RANBP2: variants seen among roughly 807,000 people sequenced by gnomAD.
RANBP2 encodes the protein E3 SUMO-protein ligase RanBP2.
Under a neutral mutation model 303.6 loss-of-function variants are expected in RANBP2, and 57 were observed. The observed-to-expected ratio is 0.19, with a 90% CI of 0.15 to 0.23. RANBP2 has a LOEUF of 0.23. Among genes scored for constraint, RANBP2 ranks in the 10% least tolerant of loss-of-function variants. RANBP2 has a pLI of 1.00. For synonymous variants in RANBP2, 1,167 were observed against 1,301.5 expected, an observed-to-expected ratio of 0.90 and a Z score of 2.23; for missense variants, 3,138 against 3,780.8, an observed-to-expected ratio of 0.83 and a Z score of 4.46.
the RANBP2 span, among the ~76,000 whole-genome samples, chr2:108,982,117 C>T: frequency 1.4e-3 from 216 of 152,334 alleles, no homozygotes; most frequent in Admixed American, 3.4e-3. Flanking sequence ...ATGCTTTAGG[C>T]CATGAGAATA....
chr2:108,896,325 C>T, the RANBP2 span: 5 of 154,430 alleles, frequency 3.2e-5, no homozygotes, highest in African/African-American at 1.2e-4. Context: ...ATACCTGGAG[C>T]AGGGTGTCTG....
chr2:109,575,216 C>T, the RANBP2 span, among the ~76,000 whole-genome samples: 2 of 152,128 alleles, frequency 1.3e-5, no homozygotes, highest in Admixed American at 6.5e-5. Context: ...CCAGACTGCT[C>T]GAAGGGGCTG....
In RANBP2 at chr2:108,768,272, A is replaced by G. The variant is rs1269917863; in HGVS notation, c.7733A>G (p.Glu2578Gly). Reference sequence around the variant, plus strand: ...AGCAAAGTGGAACCTAAAAAATGTGAACTGTCAAAGAACTCTGATATCGAA... The same window carrying G: ...AGCAAAGTGGAACCTAAAAAATGTGGACTGTCAAAGAACTCTGATATCGAA... Reference protein sequence around the residue: ...SESKVEPKKCELSKNSDIEQS... With the variant: ...SESKVEPKKCGLSKNSDIEQS... Residue 2578 changes from glutamate to glycine, a missense_variant, in exon 20 of 29, where the codon GAA becomes GGA. Physicochemically the swap from Glu to Gly is moderately conservative, Grantham distance 98. Transcript: ENST00000283195. The G allele has an allele frequency of 1.2e-6, 2 of 1,611,936 alleles. No homozygotes were observed. Among genetic ancestry groups the G allele is most frequent in the Non-Finnish European group, 1.7e-6 (2 of 1,179,870 alleles).
At chr2:109,131,739 T>C in the RANBP2 span, among the ~76,000 whole-genome samples, 1 of 152,234 alleles carries the variant, frequency 6.6e-6, no homozygotes, top group African/African-American at 2.4e-5. Flanking sequence ...TGACATTTAG[T>C]ATTAGCAGGA....
chr2:108,990,069 G>T, the RANBP2 span, among the ~76,000 whole-genome samples: 2 of 152,170 alleles, frequency 1.3e-5, no homozygotes, highest in African/African-American at 4.8e-5. Context: ...GCTGAGGCGG[G>T]CAGATCACTT....
chr2:109,212,158 T>A, the RANBP2 span, among the ~76,000 whole-genome samples: 1 of 152,180 alleles, frequency 6.6e-6, no homozygotes, highest in African/African-American at 2.4e-5. Context: ...TGTGGTTTTG[T>A]TTGGCTTCTG....
the RANBP2 span, among the ~76,000 whole-genome samples, chr2:108,852,428 C>G: frequency 1.1e-4 from 16 of 152,090 alleles, no homozygotes; most frequent in Non-Finnish European, 2.1e-4. Flanking sequence ...AGAAATTGTT[C>G]TATTATAAGG....
At chr2:109,037,140 C>A in the RANBP2 span, among the ~76,000 whole-genome samples, 2 of 151,626 alleles carry the variant, frequency 1.3e-5, no homozygotes, top group Non-Finnish European at 2.9e-5. Flanking sequence ...CAGAGTGAGA[C>A]CCTGTCTCAA....
the RANBP2 span, among the ~76,000 whole-genome samples, chr2:109,566,475 T>C: frequency 2.0e-5 from 3 of 152,104 alleles, no homozygotes; most frequent in Non-Finnish European, 2.9e-5. Flanking sequence ...ACAAAGATAA[T>C]GTTGAGGAAA....
chr2:109,330,438 G>A, the RANBP2 span, among the ~76,000 whole-genome samples: 1 of 151,522 alleles, frequency 6.6e-6, no homozygotes, highest in African/African-American at 2.4e-5. Flanking sequence ...ATGTATATTC[G>A]ATACATTATG....
At chr2:109,545,232 C>T in the RANBP2 span, 2 of 985,232 alleles carry the variant, frequency 2.0e-6, no homozygotes, top group Non-Finnish European at 2.4e-6. Context: ...TAGAACAAGG[C>T]ATGATGAATT....
chr2:109,195,226 C>T, the RANBP2 span, among the ~76,000 whole-genome samples: 44 of 152,232 alleles, frequency 2.9e-4, no homozygotes, highest in Non-Finnish European at 3.7e-4. Flanking sequence ...AGGACTAGGA[C>T]TAGGACTGCC....
At chr2:109,602,547 T>C in the RANBP2 span, among the ~76,000 whole-genome samples, 11 of 151,912 alleles carry the variant, frequency 7.2e-5, no homozygotes, top group Admixed American at 6.6e-4. Flanking sequence ...TGGTGGCGCA[T>C]GCCTATAATC....
chr2:109,082,628 T>C, the RANBP2 span, among the ~76,000 whole-genome samples: 1 of 152,054 alleles, frequency 6.6e-6, no homozygotes, highest in Non-Finnish European at 1.5e-5. Context: ...AAAAAGTTTT[T>C]ATCATGGTAA....
At chr2:108,854,101 TAATA>T in the RANBP2 span, among the ~76,000 whole-genome samples, 66 of 134,066 alleles carry the variant, frequency 4.9e-4, no homozygotes, top group South Asian at 3.3e-3. Context: ...ATTATATATA[TAATA>T]AATATATATA....
the RANBP2 span, among the ~76,000 whole-genome samples, chr2:108,869,072 A>G: frequency 6.6e-6 from 1 of 152,140 alleles, no homozygotes; most frequent in African/African-American, 2.4e-5. Context: ...ATAATATTGT[A>G]CATGCTCAAG....
At chr2:109,049,772 A>C in the RANBP2 span, among the ~76,000 whole-genome samples, 1 of 152,224 alleles carries the variant, frequency 6.6e-6, no homozygotes, top group Non-Finnish European at 1.5e-5. Flanking sequence ...GGAGTGTTTC[A>C]ATAAAATCTT....
chr2:109,400,505 A>C, the RANBP2 span, among the ~76,000 whole-genome samples: 1 of 151,810 alleles, frequency 6.6e-6, no homozygotes, highest in Non-Finnish European at 1.5e-5. Flanking sequence ...ATTTACACAT[A>C]CACCCCTCCA....
chr2:109,113,047 T>C, the RANBP2 span, among the ~76,000 whole-genome samples: 3 of 152,210 alleles, frequency 2.0e-5, no homozygotes, highest in African/African-American at 7.2e-5. Flanking sequence ...CCTTGTAGTA[T>C]AGTTTGAAGT....
Sources: allele counts gnomAD v4.1 joint callset (sites outside exome capture counted in the v4.1 genomes callset), GRCh38; gene constraint gnomAD v4.1.1; transcripts MANE v1.5; gene names NCBI Gene and HGNC (gene_info 2026-07-23, HGNC 2026-07-21).